The following TRAM1 variants were observed in gnomAD, a reference collection of about 807,000 sequenced individuals.
The protein encoded by TRAM1 is translocation associated membrane protein 1, also known as translocating chain-associated membrane protein 1.
A neutral mutation model predicts 48.7 loss-of-function variants in TRAM1; 17 were observed. The observed-to-expected ratio is 0.35, with a 90% CI of 0.24 to 0.52. The LOEUF (loss-of-function observed/expected upper bound fraction) is 0.52. Ranked by LOEUF, TRAM1 falls within the 20% of genes least tolerant of loss-of-function variation. The pLI, the probability that TRAM1 is intolerant of heterozygous loss-of-function variation, is 0.94. For missense variants in TRAM1, 351 were observed against 441.5 expected (o/e 0.79, Z 1.84); for synonymous variants, 182 against 154.0 (o/e 1.18, Z -1.34).
At chr8:70,603,250 A>C (rs909198243) in intron 1 of TRAM1, among the ~76,000 whole-genome samples, 5 of 151,644 alleles carry the variant, frequency 3.3e-5, no homozygotes, top group Non-Finnish European at 5.9e-5. Context: ...TTTTATATAT[A>C]TATATAGTCT....
chr8:70,596,720 T>C (rs1817494729), intron 4 of TRAM1, among the ~76,000 whole-genome samples: 1 of 151,214 alleles, frequency 6.6e-6, no homozygotes, highest in South Asian at 2.1e-4. Context: ...AGACAAAGGA[T>C]CAGGGTGCTA....
chr8:70,588,424 A>C (rs2132032962), intron 6 of TRAM1, among the ~76,000 whole-genome samples: 1 of 152,124 alleles, frequency 6.6e-6, no homozygotes, highest in East Asian at 1.9e-4. Context: ...CATCTCTACA[A>C]AAAAATGTTT....
At chr8:70,590,884 C>G (rs1252381806) in intron 6 of TRAM1, among the ~76,000 whole-genome samples, 1 of 152,146 alleles carries the variant, frequency 6.6e-6, no homozygotes, top group Non-Finnish European at 1.5e-5. Context: ...ACACTCAAAG[C>G]TTACCACAGA....
chr8:70,596,126 T>G, intron 5 of TRAM1, 137 bp downstream of exon 5: 2 of 558,338 alleles, frequency 3.6e-6, no homozygotes, highest in Non-Finnish European at 5.9e-6. Flanking sequence ...CTTACGGCAG[T>G]GGGACTGTCA....
chr8:70,600,390 A>G (rs1273648612), intron 1 of TRAM1, among the ~76,000 whole-genome samples: 1 of 152,240 alleles, frequency 6.6e-6, no homozygotes. Flanking sequence ...CTAGCCCTAT[A>G]CAATGAATAA....
At chr8:70,577,938 A>T (rs993655759) in intron 10 of TRAM1, among the ~76,000 whole-genome samples, 1 of 152,218 alleles carries the variant, frequency 6.6e-6, no homozygotes, top group Non-Finnish European at 1.5e-5. Context: ...TGGTGCCTAG[A>T]GCTGCCTGCC....
chr8:70,588,038 A>G lies in TRAM1; in HGVS notation c.571-862T>C, dbSNP rs148453185. ...TCGAGATCAACCTGGGCAACACAGCAAGACCCTGTCTCTACAAAAACTACA... is the reference window on the plus strand; with the variant it reads ...TCGAGATCAACCTGGGCAACACAGCGAGACCCTGTCTCTACAAAAACTACA... On this transcript the variant is annotated intron_variant, in intron 6 of 10. Transcript: ENST00000262213. Among the ~76,000 whole-genome samples, 312 of 152,096 alleles carry G rather than the reference A, an allele frequency of 2.1e-3. 2 individuals are homozygous for G. Among genetic ancestry groups the G allele is most frequent in the African/African-American group, 7.3e-3 (304 of 41,492 alleles).
chr8:70,608,131 G>A lies in TRAM1; in HGVS notation c.69C>T (p.His23=), dbSNP rs544412485. 6.9e-6 allele frequency: 11 copies of A among 1,600,202 alleles called. No individual in the cohort carries two copies. The African/African-American group carries it at 9.6e-5, about 14-fold the overall frequency. ...VLSHEFVLQN[H]ADIVSCVAMV... ...TCGCCACACAGGAGACGATGTCCGC[G>A]TGATTCTGCAGGACGAATTCGTGGC... Residue 23 remains histidine, a synonymous_variant, in exon 1 of 11, where the codon CAC becomes CAT. Transcript: ENST00000262213.
chr8:70,582,609 A>C (rs1365394622), intron 10 of TRAM1, among the ~76,000 whole-genome samples: 2 of 152,116 alleles, frequency 1.3e-5, no homozygotes, highest in African/African-American at 4.8e-5. Context: ...ATACTCTAAA[A>C]ACTTCCTGTG....
chr8:70,591,920 TA>T (rs567826128), intron 6 of TRAM1, among the ~76,000 whole-genome samples: 26 of 151,802 alleles, frequency 1.7e-4, no homozygotes, highest in African/African-American at 4.6e-4. Flanking sequence ...GTCATCAGAT[TA>T]AAAAAAAGTG....
intron 10 of TRAM1, 42 bp downstream of exon 10, chr8:70,583,122 T>A: frequency 6.4e-7 from 1 of 1,570,734 alleles, no homozygotes; most frequent in African/African-American, 1.4e-5. Flanking sequence ...TTTTAAAAGT[T>A]TTCTACTTCC....
chr8:70,586,733 G>C (rs1817229271), intron 8 of TRAM1, among the ~76,000 whole-genome samples, 162 bp downstream of exon 8: 1 of 152,156 alleles, frequency 6.6e-6, no homozygotes, highest in Non-Finnish European at 1.5e-5. Flanking sequence ...ATTTTAGAGA[G>C]TAAAATACAA....
At chr8:70,591,470 G>A (rs1004180882) in intron 6 of TRAM1, among the ~76,000 whole-genome samples, 1 of 152,230 alleles carries the variant, frequency 6.6e-6, no homozygotes, top group East Asian at 1.9e-4. Flanking sequence ...ACATTTACAT[G>A]GGTTGTGGGG....
At chr8:70,589,359 G>A (rs1474308096) in intron 6 of TRAM1, among the ~76,000 whole-genome samples, 2 of 152,032 alleles carry the variant, frequency 1.3e-5, no homozygotes, top group African/African-American at 2.4e-5. Context: ...CAACCACAAG[G>A]GAACCTCTCT....
At chr8:70,584,629 T>A (rs1158064261) in intron 8 of TRAM1, among the ~76,000 whole-genome samples, 1 of 152,148 alleles carries the variant, frequency 6.6e-6, no homozygotes, top group African/African-American at 2.4e-5. Flanking sequence ...AGCATTCTTA[T>A]ACACCAATAA....
At chr8:70,576,096 C>A (rs1315954542) in intron 10 of TRAM1, among the ~76,000 whole-genome samples, 21 of 134,806 alleles carry the variant, frequency 1.6e-4, no homozygotes, top group African/African-American at 3.9e-4. Flanking sequence ...AAAAAAAAAA[C>A]CACACAAAAA....
chr8:70,592,237 A>ATATACACAGTATATGTAATTTAAGTTTTC, intron 6 of TRAM1, among the ~76,000 whole-genome samples: 1 of 152,110 alleles, frequency 6.6e-6, no homozygotes, highest in East Asian at 1.9e-4. Context: ...TTTAAGTTTT[A>ATATACACAGTATATGTAATTTAAGTTTTC]TCTTTGAAAG....
Position 70,579,608 on chromosome 8 carries a change from ATAGAG to A in TRAM1, c.1051+3551_1051+3555del, listed in dbSNP as rs551657591. Among the ~76,000 whole-genome samples, 318 of 152,350 alleles carry A rather than the reference ATAGAG, an allele frequency of 2.1e-3. 2 individuals are homozygous for A. The highest frequency in any genetic ancestry group is 7.4e-3 in the African/African-American group (306 of 41,588). ...GTAGTCAATGCAATTCACAACATTA[ATAGAG>A]TAAAGAAAAACTCTATGACTAACTA... On this transcript the variant is annotated intron_variant, in intron 10 of 10. Transcript: ENST00000262213.
intron 8 of TRAM1, among the ~76,000 whole-genome samples, chr8:70,584,799 A>G (rs1257741186): frequency 2.6e-5 from 4 of 152,104 alleles, no homozygotes; most frequent in Non-Finnish European, 5.9e-5. Context: ...CAAATGGAAG[A>G]ACATTCCATG....
Sources: allele counts gnomAD v4.1 joint callset (sites outside exome capture counted in the v4.1 genomes callset), GRCh38; gene constraint gnomAD v4.1.1; transcripts MANE v1.5; gene names NCBI Gene and HGNC (gene_info 2026-07-23, HGNC 2026-07-21).